RANBP9: variants seen among roughly 807,000 people sequenced by gnomAD.
RANBP9 encodes the protein ran-binding protein 9.
In RANBP9, 15 loss-of-function variants were observed where a neutral mutation model predicts 84.3. The observed-to-expected ratio is 0.18, with a 90% CI of 0.12 to 0.27. The LOEUF (loss-of-function observed/expected upper bound fraction) is 0.27. Among genes scored for constraint, RANBP9 ranks in the 10% least tolerant of loss-of-function variants. RANBP9 has a pLI of 1.00. For missense variants in RANBP9, 809 were observed against 912.8 expected (o/e 0.89, Z 1.46); for synonymous variants, 392 against 349.6 (o/e 1.12, Z -1.35).
chr6:13,685,787 G>A (rs1184817417), intron 2 of RANBP9, among the ~76,000 whole-genome samples: 2 of 151,836 alleles, frequency 1.3e-5, no homozygotes, highest in Admixed American at 1.3e-4. Flanking sequence ...AAGTAGCTGG[G>A]CGTGGTGGTG....
chr6:13,711,005 C>T lies in RANBP9; in HGVS notation c.501G>A (p.Arg167=), dbSNP rs776062416. Residue 167 remains arginine, a synonymous_variant, in exon 1 of 14, where the codon CGG becomes CGA. Coordinates refer to ENST00000011619, the MANE Select transcript of RANBP9 (RefSeq NM_005493.3). Reference sequence around the variant, plus strand: ...TGAACTTGTCCTTCGGGCTCCAGGACCGAGGCAGCGGCGTCTCTTGTTCGT... The same window carrying T: ...TGAACTTGTCCTTCGGGCTCCAGGATCGAGGCAGCGGCGTCTCTTGTTCGT... ...AVDEQETPLP[R]SWSPKDKFSY... 3 of 1,608,074 alleles carry T rather than the reference C, an allele frequency of 1.9e-6. No individual in the cohort carries two copies. Among genetic ancestry groups the T allele is most frequent in the East Asian group, 4.5e-5 (2 of 44,612 alleles).
chr6:13,653,575 C>T (rs1234506424), intron 4 of RANBP9, among the ~76,000 whole-genome samples: 1 of 152,120 alleles, frequency 6.6e-6, no homozygotes, highest in Non-Finnish European at 1.5e-5. Context: ...GTCTTGATCA[C>T]TATCTTAAAA....
At chr6:13,650,694 C>T (rs927413896) in intron 5 of RANBP9, among the ~76,000 whole-genome samples, 1 of 152,130 alleles carries the variant, frequency 6.6e-6, no homozygotes, top group Non-Finnish European at 1.5e-5. Flanking sequence ...ATCCCAGAGA[C>T]ATAATAAGAG....
chr6:13,646,758 A>G (rs542927642), intron 5 of RANBP9, among the ~76,000 whole-genome samples: 4 of 152,232 alleles, frequency 2.6e-5, no homozygotes, highest in African/African-American at 9.6e-5. Context: ...TCTAGAAAAA[A>G]AAATCTGCCA....
chr6:13,692,543 A>AC (rs1225158446), intron 2 of RANBP9, among the ~76,000 whole-genome samples: 4 of 147,602 alleles, frequency 2.7e-5, no homozygotes, highest in African/African-American at 5.0e-5. Context: ...AAAAAAAAAA[A>AC]AAAAAAAAAA....
chr6:13,625,196 G>A (rs947774981), intron 13 of RANBP9, among the ~76,000 whole-genome samples: 13 of 151,930 alleles, frequency 8.6e-5, no homozygotes, highest in African/African-American at 1.9e-4. Flanking sequence ...TGTTCTTAAC[G>A]TTCTCCGATT....
intron 2 of RANBP9, among the ~76,000 whole-genome samples, chr6:13,686,619 G>C (rs1313419626): frequency 6.6e-6 from 1 of 152,020 alleles, no homozygotes; most frequent in African/African-American, 2.4e-5. Context: ...GCCCAAGCTG[G>C]TCTCGAACTA....
intron 1 of RANBP9, among the ~76,000 whole-genome samples, chr6:13,697,450 A>T (rs1265455335): frequency 1.3e-5 from 2 of 152,182 alleles, no homozygotes; most frequent in African/African-American, 4.8e-5. Flanking sequence ...TGATTCATAA[A>T]ATCTCTTGGG....
At chr6:13,678,021 AG>A (rs1328700792) in intron 2 of RANBP9, among the ~76,000 whole-genome samples, 3 of 152,190 alleles carry the variant, frequency 2.0e-5, no homozygotes, top group Admixed American at 6.6e-5. Context: ...CAAGAAGCTG[AG>A]GTGGGAGGAT....
intron 2 of RANBP9, among the ~76,000 whole-genome samples, chr6:13,695,399 ATG>A (rs1280067781): frequency 1.5e-4 from 16 of 106,502 alleles, no homozygotes; most frequent in East Asian, 1.3e-3. Context: ...CACCAACCAA[ATG>A]TTTTTTTTTT....
chr6:13,669,959 T>C (rs1433249019), intron 2 of RANBP9, among the ~76,000 whole-genome samples: 8 of 151,900 alleles, frequency 5.3e-5, no homozygotes, highest in Non-Finnish European at 1.0e-4. Context: ...TTTTTTTTTT[T>C]CAACAAATGG....
intron 2 of RANBP9, among the ~76,000 whole-genome samples, chr6:13,688,776 C>G (rs1354456331): frequency 6.6e-6 from 1 of 151,740 alleles, no homozygotes; most frequent in African/African-American, 2.4e-5. Context: ...AGCAGTCTTG[C>G]AGACCGCCAT....
chr6:13,661,699 T>C (rs1765541640), intron 2 of RANBP9, among the ~76,000 whole-genome samples: 1 of 152,154 alleles, frequency 6.6e-6, no homozygotes, highest in African/African-American at 2.4e-5. Context: ...AGATAGTAAT[T>C]TTCCAGAATT....
intron 2 of RANBP9, among the ~76,000 whole-genome samples, chr6:13,687,696 C>T (rs1048015772): frequency 3.9e-5 from 6 of 152,134 alleles, no homozygotes; most frequent in Non-Finnish European, 8.8e-5. Context: ...ACAAATCTGT[C>T]TACTTTCCTC....
At position 13,711,044 on chromosome 6, in the gene RANBP9, G is replaced by C. The variant is rs202075943; in HGVS notation, c.462C>G (p.Leu154=). 684 of 1,593,162 alleles carry C rather than the reference G, an allele frequency of 4.3e-4. No homozygotes were observed. The African/African-American group carries it at 7.2e-3, about 17-fold the overall frequency. The change falls in exon 1 of 14, where the codon CTC becomes CTG. Residue 154 remains leucine, a synonymous_variant. Coordinates refer to ENST00000011619, the MANE Select transcript of RANBP9 (RefSeq NM_005493.3). ...TCTCTTGTTCGTCCACGGCCGGGTA[G>C]AGACGCTTCAGCCGCCGCTGCAACT... ...EKELQRRLKR[L]YPAVDEQETP... is the part of the protein sequence containing the mutation.
chr6:13,687,312 T>G (rs1490387218), intron 2 of RANBP9, among the ~76,000 whole-genome samples: 5 of 152,100 alleles, frequency 3.3e-5, no homozygotes, highest in Non-Finnish European at 7.4e-5. Context: ...ACTGTTCTCA[T>G]CATCATCTTC....
intron 10 of RANBP9, among the ~76,000 whole-genome samples, chr6:13,635,977 T>C (rs1764928431): frequency 6.6e-6 from 1 of 152,022 alleles, no homozygotes; most frequent in South Asian, 2.1e-4. Context: ...TAAGTTATTA[T>C]ATTACAGAGT....
chr6:13,690,751 A>G (rs1304071703), intron 2 of RANBP9, among the ~76,000 whole-genome samples: 1 of 152,242 alleles, frequency 6.6e-6, no homozygotes, highest in Non-Finnish European at 1.5e-5. Flanking sequence ...TAAAATTTGA[A>G]TGAAATCCCT....
At chr6:13,624,204 T>C (rs893524569) in intron 13 of RANBP9, among the ~76,000 whole-genome samples, 1 of 152,210 alleles carries the variant, frequency 6.6e-6, no homozygotes, top group South Asian at 2.1e-4. Flanking sequence ...AACTTCAGTA[T>C]TGGTCCTTAA....
Sources: allele counts gnomAD v4.1 joint callset (sites outside exome capture counted in the v4.1 genomes callset), GRCh38; gene constraint gnomAD v4.1.1; transcripts MANE v1.5; gene names NCBI Gene and HGNC (gene_info 2026-07-23, HGNC 2026-07-21).